CENPU: variants seen among roughly 807,000 people sequenced by gnomAD.
CENPU encodes the protein KSHV latent nuclear antigen interacting protein 1.
CENPU carries 46 observed loss-of-function variants against 56.7 expected under a neutral mutation model. The observed-to-expected ratio is 0.81, with a 90% confidence interval of 0.64 to 1.04. The LOEUF is 1.04. CENPU is among the 50% of genes least tolerant of loss of function. The pLI is 0.00. For synonymous variants in CENPU, 166 were observed against 163.0 expected (o/e 1.02, Z -0.14); for missense variants, 510 against 490.1 (o/e 1.04, Z -0.38).
rs766216967 is a variant in CENPU at position 184,710,055 on chromosome 4, A to G, written c.797+17T>C. On this transcript the variant is annotated intron_variant, in intron 8 of 12. Transcript: ENST00000281453. ...GAAATTTATTAGGTAAATATAGCAC[A>G]TCATCAAAAGACTTACTGATGCTCT... The G allele has an allele frequency of 5.4e-6, 8 of 1,483,762 alleles. No homozygotes were observed. The Admixed American group carries it at 1.0e-4, about 19-fold the overall frequency. 91.9% of individuals were successfully genotyped at this position (1,483,762 alleles called of 1,614,324 possible).
At chr4:184,732,632 A>T (rs1301378638) in intron 1 of CENPU, among the ~76,000 whole-genome samples, 2 of 152,072 alleles carry the variant, frequency 1.3e-5, no homozygotes, top group African/African-American at 2.4e-5. Flanking sequence ...GGGGAAAAAA[A>T]GTCAAGGTTC....
intron 8 of CENPU, among the ~76,000 whole-genome samples, chr4:184,709,704 T>C (rs1415137479): frequency 2.6e-5 from 4 of 151,026 alleles, no homozygotes; most frequent in African/African-American, 9.7e-5. Context: ...AAACTGAACA[T>C]AGATCCAATA....
chr4:184,708,073 A>T (rs1760785334), intron 8 of CENPU, among the ~76,000 whole-genome samples: 1 of 151,926 alleles, frequency 6.6e-6, no homozygotes, highest in African/African-American at 2.4e-5. Context: ...AAATACAAAA[A>T]ATTAGCTGGG....
At chr4:184,731,503 T>C (rs183668141) in intron 1 of CENPU, among the ~76,000 whole-genome samples, 25 of 152,310 alleles carry the variant, frequency 1.6e-4, no homozygotes, top group African/African-American at 5.5e-4. Context: ...ATGATAAAGT[T>C]GTATATATAT....
At chr4:184,698,132 G>A (rs781450940) in intron 11 of CENPU, 1 of 214,700 alleles carries the variant, frequency 4.7e-6, no homozygotes, top group South Asian at 8.5e-5. Context: ...GCTCGCACCA[G>A]CGGAGCCAGG....
At chr4:184,705,210 G>T (rs1304946030) in intron 8 of CENPU, among the ~76,000 whole-genome samples, 1 of 152,084 alleles carries the variant, frequency 6.6e-6, no homozygotes, top group Non-Finnish European at 1.5e-5. Context: ...ACAAACCATG[G>T]TATATCCATA....
intron 12 of CENPU, among the ~76,000 whole-genome samples, chr4:184,695,793 C>T (rs900251713): frequency 2.0e-5 from 3 of 152,038 alleles, no homozygotes; most frequent in Non-Finnish European, 4.4e-5. Flanking sequence ...AACTGTAAGA[C>T]AGGTTTTACT....
At chr4:184,709,734 T>A (rs1334232355) in intron 8 of CENPU, among the ~76,000 whole-genome samples, 1 of 150,684 alleles carries the variant, frequency 6.6e-6, no homozygotes, top group Admixed American at 6.6e-5. Context: ...TCTATCTAGA[T>A]CTAATGATTA....
At chr4:184,701,413 A>G (rs1366676804) in intron 10 of CENPU, among the ~76,000 whole-genome samples, 4 of 152,348 alleles carry the variant, frequency 2.6e-5, no homozygotes, top group Non-Finnish European at 5.9e-5. Context: ...AGAGCTTGCA[A>G]TCACTGGAAG....
intron 1 of CENPU, 108 bp from the exon 2 acceptor site, chr4:184,731,076 AC>A: frequency 2.5e-6 from 2 of 784,516 alleles, no homozygotes; most frequent in Non-Finnish European, 4.0e-6. Context: ...AAAAACAAGA[AC>A]CCATATTCCA....
intron 2 of CENPU, 103 bp from the exon 3 acceptor site, chr4:184,729,138 CA>C: frequency 6.9e-6 from 6 of 865,714 alleles, no homozygotes; most frequent in South Asian, 1.5e-5. Context: ...CCTAAGGAAG[CA>C]ATCCTTATGC....
At position 184,712,993 on chromosome 4, in the gene CENPU, C is replaced by T; in HGVS notation, c.639G>A (p.Lys213=). 6.3e-7 allele frequency: 1 copy of T among 1,585,812 alleles called. No homozygotes were observed. The highest frequency in any genetic ancestry group is 1.4e-5 in the African/African-American group (1 of 73,302). ...ESQSKTQKKG[K]ISHDKRKKSR... The stretch of plus-strand genomic sequence containing the variant: ...ATTTCTTCCTTTTGTCATGAGATAT[C>T]TTCCCTTTTTTCTGAGTTTTCTACA... Residue 213 remains lysine (K), a synonymous_variant, in exon 7 of 13, where the codon AAG becomes AAA. Coordinates refer to ENST00000281453, the MANE Select transcript of CENPU (RefSeq NM_024629.4).
intron 10 of CENPU, 123 bp from the exon 11 acceptor site, chr4:184,701,004 T>C (rs1004325953): frequency 8.0e-6 from 6 of 752,748 alleles, no homozygotes; most frequent in African/African-American, 5.1e-5. Context: ...ATCACAGACT[T>C]TGGTCTAATG....
In CENPU at chr4:184,716,522, T is replaced by C. The variant is rs759966708; in HGVS notation, c.493A>G (p.Ile165Val). The C allele has an allele frequency of 6.8e-6, 11 of 1,614,218 alleles. No individual in the cohort carries two copies. The highest frequency in any genetic ancestry group is 9.3e-6 in the Non-Finnish European group (11 of 1,180,028). Residue 165 changes from isoleucine (I) to valine (V), a missense_variant, in exon 6 of 13, where the codon ATT (isoleucine) becomes GTT (valine). Transcript: ENST00000281453. ...EKISTQRHEV[I>V]RTTASSELSE... ...AGTTCTGAAGACGCTGTGGTTCGAA[T>C]AACCTCATGACGTTGTGTACTTATT...
At chr4:184,696,748 CTT>C (rs1204852061) in intron 12 of CENPU, among the ~76,000 whole-genome samples, 1 of 151,560 alleles carries the variant, frequency 6.6e-6, no homozygotes, top group Non-Finnish European at 1.5e-5. Flanking sequence ...TTTCCTAGAA[CTT>C]AAACATTTCT....
rs1160257519 is a variant in CENPU, at chr4:184,699,629, CA to C, written c.986+1190del. ...TCAATTTAGAAACCAACAGATTAGA[CA>C]ACTGCTTTCTCCCACTTAAACTCCT... On this transcript the variant is annotated intron_variant, in intron 11 of 12. Transcript: ENST00000281453. 20 of 1,287,884 alleles carry C rather than the reference CA, an allele frequency of 1.6e-5. No homozygotes were observed. In the East Asian group the frequency reaches 1.0e-3, roughly 64 times the overall value. The allele number at this position is 1,287,884 out of a possible 1,614,324, so 79.8% of individuals were successfully genotyped here.
At position 184,700,864 on chromosome 4, in the gene CENPU, T is replaced by C. The variant is rs747904201; in HGVS notation, c.942A>G (p.Glu314=). 6.2e-7 allele frequency: 1 copy of C among 1,613,562 alleles called. No homozygotes were observed. Among genetic ancestry groups the C allele is most frequent in the East Asian group, 2.2e-5 (1 of 44,888 alleles). ...RKNAKMISDI[E]KKRQRMIEVQ... Reference sequence around the variant, plus strand: ...CTTCAATCATACGCTGCCTTTTCTTTTCGATATCTGAAATCATCTAAGTAA... The same window carrying C: ...CTTCAATCATACGCTGCCTTTTCTTCTCGATATCTGAAATCATCTAAGTAA... The change falls in exon 11 of 13, where the codon GAA becomes GAG. Residue 314 remains glutamate (E), a synonymous_variant. Coordinates refer to ENST00000281453, the MANE Select transcript of CENPU (RefSeq NM_024629.4).
Position 184,716,453 on chromosome 4 carries a change from GT to G in CENPU, c.561del (p.Ser190ValfsTer13), listed in dbSNP as rs759292470. ...TCAACAGAGGGCTGGGCACTAAGGG[GT>G]CCTGTCTTTTTAGAAGTGACAGACT... ...PAESVTSKKT[G>X]PLSAQPSVEK... On this transcript the variant is annotated frameshift_variant, in exon 6 of 13. Coordinates refer to ENST00000281453, the MANE Select transcript of CENPU (RefSeq NM_024629.4). LOFTEE classifies it high-confidence loss of function. The G allele has an allele frequency of 6.8e-6, 11 of 1,614,154 alleles. No homozygotes were observed. Among genetic ancestry groups the G allele is most frequent in the Non-Finnish European group, 9.3e-6 (11 of 1,180,022 alleles).
intron 8 of CENPU, among the ~76,000 whole-genome samples, chr4:184,706,717 C>T (rs948123832): frequency 9.2e-5 from 14 of 152,202 alleles, no homozygotes; most frequent in African/African-American, 3.1e-4. Context: ...TGGCTGAGAA[C>T]ACCATATTGT....
Sources: allele counts gnomAD v4.1 joint callset (sites outside exome capture counted in the v4.1 genomes callset), GRCh38; gene constraint gnomAD v4.1.1; transcripts MANE v1.5; gene names NCBI Gene and HGNC (gene_info 2026-07-23, HGNC 2026-07-21).